The following CTNNA2 variants were observed in gnomAD, a reference collection of about 807,000 sequenced individuals.
CTNNA2 encodes catenin alpha-2.
In CTNNA2, 42 loss-of-function variants were observed where a neutral mutation model predicts 101.0. That is an observed-to-expected ratio of 0.42 (90% CI 0.32 to 0.54). CTNNA2 has a LOEUF of 0.54. Ranked by LOEUF, CTNNA2 falls within the 20% of genes least tolerant of loss-of-function variation. CTNNA2 has a pLI of 0.14. For missense variants in CTNNA2, 871 were observed against 1,223.1 expected (o/e 0.71, Z 4.29); for synonymous variants, 450 against 456.4 (o/e 0.99, Z 0.18).
chr2:79,699,680 T>TG (rs1181231363), intron 2 of CTNNA2, among the ~76,000 whole-genome samples: 4 of 151,070 alleles, frequency 2.6e-5, no homozygotes, highest in East Asian at 3.9e-4. Flanking sequence ...TGGACCTTTT[T>TG]GGGGGGATCT....
At chr2:79,601,666 C>T (rs1275843189) in intron 1 of CTNNA2, among the ~76,000 whole-genome samples, 2 of 152,336 alleles carry the variant, frequency 1.3e-5, no homozygotes, top group East Asian at 3.9e-4. Flanking sequence ...AGAAAGCAAA[C>T]GTGTTAAGCA....
chr2:79,415,929 G>T (rs1341293201), intron 4 of CTNNA2, among the ~76,000 whole-genome samples: 2 of 152,048 alleles, frequency 1.3e-5, no homozygotes, highest in Non-Finnish European at 2.9e-5. Context: ...GATATGACTT[G>T]CTTGCTTGTC....
intron 8 of CTNNA2, among the ~76,000 whole-genome samples, chr2:80,414,861 G>A (rs1679902041): frequency 6.6e-6 from 1 of 152,084 alleles, no homozygotes; most frequent in Non-Finnish European, 1.5e-5. Context: ...ACTTTATACT[G>A]TGGAATAATC....
At chr2:79,189,276 CT>C (rs1345527237) in intron 1 of CTNNA2, among the ~76,000 whole-genome samples, 4 of 152,070 alleles carry the variant, frequency 2.6e-5, no homozygotes, top group Non-Finnish European at 5.9e-5. Flanking sequence ...TTTGTCCTTT[CT>C]TTTTATTCTG....
intron 9 of CTNNA2, among the ~76,000 whole-genome samples, chr2:80,526,577 C>T (rs1156995192): frequency 6.6e-6 from 1 of 152,126 alleles, no homozygotes; most frequent in African/African-American, 2.4e-5. Context: ...AGGTGATCCG[C>T]CCACATCAGC....
At chr2:80,457,343 C>G (rs1684068960) in intron 9 of CTNNA2, among the ~76,000 whole-genome samples, 1 of 151,956 alleles carries the variant, frequency 6.6e-6, no homozygotes, top group Non-Finnish European at 1.5e-5. Context: ...AGATTACAGG[C>G]GTGAGTCACT....
At position 80,635,440 on chromosome 2, in the gene CTNNA2, C is replaced by T. The variant is rs1442025657; in HGVS notation, c.2575-12145C>T. On this transcript the variant is annotated intron_variant, in intron 18 of 18. Transcript: ENST00000402739. ...GAGCCCTTAAATGATGATAGCATTT[C>T]CTCTTAATTCTAATTTCTGTAATGA... Among the ~76,000 whole-genome samples the T allele has an allele frequency of 2.0e-5, 3 of 152,064 alleles. No individual in the cohort carries two copies. In the East Asian group the frequency reaches 5.8e-4, roughly 29 times the overall value.
rs747147563 is a variant in CTNNA2 at position 80,302,830 on chromosome 2, G to A, written c.1057-90381G>A. On this transcript the variant is annotated intron_variant, in intron 7 of 18. Transcript: ENST00000402739. This position sits in a 1 kb window ranked among gnomAD's most constrained non-coding sequence, Gnocchi z 6.4. ...TGCCATCGTAGCGCCCCTGGAAGTT[G>A]TTGAGCCACGAGGCTAGGGCACACA... 2 of 1,614,072 alleles carry A rather than the reference G, an allele frequency of 1.2e-6. No homozygotes were observed. The highest frequency in any genetic ancestry group is 4.5e-5 in the East Asian group (2 of 44,870).
intron 1 of CTNNA2, among the ~76,000 whole-genome samples, chr2:79,539,292 G>C (rs1290087958): frequency 1.3e-5 from 2 of 152,134 alleles, no homozygotes; most frequent in African/African-American, 4.8e-5. Flanking sequence ...TGCTTTCCTC[G>C]TGTCTTCTGT....
chr2:79,935,302 C>G (rs1238061636), intron 7 of CTNNA2, among the ~76,000 whole-genome samples: 2 of 151,422 alleles, frequency 1.3e-5, no homozygotes, highest in African/African-American at 4.9e-5. Flanking sequence ...GGCAAAACCA[C>G]AATTTAGACT....
At chr2:80,372,166 C>A (rs1675502513) in intron 7 of CTNNA2, among the ~76,000 whole-genome samples, 2 of 152,066 alleles carry the variant, frequency 1.3e-5, no homozygotes, top group Non-Finnish European at 2.9e-5. Flanking sequence ...TGATAATTAG[C>A]TGGCAGGTTG....
chr2:79,296,069 C>A (rs961427827), intron 2 of CTNNA2, among the ~76,000 whole-genome samples: 3 of 152,024 alleles, frequency 2.0e-5, no homozygotes, highest in Admixed American at 6.6e-5. Context: ...AATAGTAGGG[C>A]TTCCATAAAC....
At chr2:80,240,703 G>A (rs890818155) in intron 7 of CTNNA2, among the ~76,000 whole-genome samples, 3 of 151,998 alleles carry the variant, frequency 2.0e-5, no homozygotes, top group Non-Finnish European at 4.4e-5. Flanking sequence ...GTAATTTATA[G>A]GTATAGAGGC....
At chr2:80,243,729 T>A (rs1225654028) in intron 7 of CTNNA2, among the ~76,000 whole-genome samples, 2 of 152,228 alleles carry the variant, frequency 1.3e-5, no homozygotes, top group African/African-American at 4.8e-5. Flanking sequence ...TAGGGGCATT[T>A]GTGTACAAGT....
intron 7 of CTNNA2, among the ~76,000 whole-genome samples, chr2:80,100,906 C>T (rs1700502620): frequency 6.6e-6 from 1 of 152,188 alleles, no homozygotes; most frequent in African/African-American, 2.4e-5. Flanking sequence ...TTCCCTCTAA[C>T]TTCCAGTTGT....
chr2:79,425,287 G>T (rs1678581678), intron 4 of CTNNA2, among the ~76,000 whole-genome samples: 1 of 152,166 alleles, frequency 6.6e-6, no homozygotes, highest in Admixed American at 6.5e-5. Context: ...GCATGGACAT[G>T]TGTGCACACA....
intron 13 of CTNNA2, among the ~76,000 whole-genome samples, chr2:80,576,786 TGAAAA>T (rs1185577906): frequency 0.03 from 3,381 of 112,088 alleles, 204 homozygotes; most frequent in African/African-American, 0.11. Flanking sequence ...CTGTCTCTAC[TGAAAA>T]AAAAAAAAAA....
chr2:80,168,205 C>G (rs566744216), intron 7 of CTNNA2, among the ~76,000 whole-genome samples: 1 of 152,112 alleles, frequency 6.6e-6, no homozygotes. Flanking sequence ...TTCTTTCCCC[C>G]TCCAGCCTCA....
chr2:79,747,144 C>T (rs1671702932), intron 3 of CTNNA2, among the ~76,000 whole-genome samples: 1 of 152,178 alleles, frequency 6.6e-6, no homozygotes, highest in African/African-American at 2.4e-5. Context: ...CTCTATTATA[C>T]TAACTTAAAT....
Sources: gnomAD v4.1 joint callset for allele counts (sites outside exome capture counted in the v4.1 genomes callset) on GRCh38, gnomAD v4.1.1 for gene constraint, Gnocchi (gnomAD v3.1) non-coding constraint, MANE v1.5 for transcripts, NCBI Gene and HGNC (gene_info 2026-07-23, HGNC 2026-07-21) for gene names.